Variants in PODXL observed in about 807,000 individuals in gnomAD.
The protein encoded by PODXL is podocalyxin.
A neutral mutation model predicts 48.9 loss-of-function variants in PODXL; 20 were observed. The ratio of observed to expected loss-of-function variants is 0.41; its 90% CI spans 0.29 to 0.59. The LOEUF is 0.59. Ranked by LOEUF, PODXL falls within the 20% of genes least tolerant of loss-of-function variation. The pLI is 0.31. For synonymous variants in PODXL, 295 were observed against 287.4 expected, an observed-to-expected ratio of 1.03 and a Z score of -0.27; for missense variants, 606 against 675.1, an observed-to-expected ratio of 0.90 and a Z score of 1.13.
At chr7:131,509,275 G>T in intron 4 of PODXL, 90 bp downstream of exon 4, 2 of 1,072,364 alleles carry the variant, frequency 1.9e-6, no homozygotes, top group Non-Finnish European at 2.9e-6. Context: ...CAGGGGCCCT[G>T]CGTTGGAGGA....
chr7:131,516,736 CTTT>C (rs58722955), intron 1 of PODXL, among the ~76,000 whole-genome samples: 8 of 125,614 alleles, frequency 6.4e-5, no homozygotes, highest in South Asian at 2.4e-4. Context: ...TTTTTTTTCT[CTTT>C]TTTTTTTTTT....
intron 5 of PODXL, 36 bp from the exon 6 acceptor site, chr7:131,506,762 G>C: frequency 6.2e-7 from 1 of 1,608,116 alleles, no homozygotes; most frequent in Non-Finnish European, 8.5e-7. Flanking sequence ...TCCGCGGGGA[G>C]CGTGACAGCA....
chr7:131,553,735 A>G (rs141442679), intron 1 of PODXL, among the ~76,000 whole-genome samples: 9 of 152,342 alleles, frequency 5.9e-5, no homozygotes, highest in African/African-American at 2.2e-4. Context: ...CATCAGATTG[A>G]GAGTACTGAA....
chr7:131,513,641 G>A (rs563294691), intron 1 of PODXL, among the ~76,000 whole-genome samples: 2 of 152,368 alleles, frequency 1.3e-5, no homozygotes, highest in South Asian at 2.1e-4. Context: ...GCCGTGACGG[G>A]CTCTGCAGGC....
At position 131,504,403 on chromosome 7, in the gene PODXL, T is replaced by C; in HGVS notation, c.1585A>G (p.Ser529Gly). ...SSEMQEKKVVSLNGELGDSWI... is the reference protein window; with the variant it reads ...SSEMQEKKVVGLNGELGDSWI... The stretch of plus-strand genomic sequence containing the variant: ...CTGTCCCCCAGCTCCCCGTTGAGGC[T>C]GACCACCTTCTTCTCCTGCATCTCA... The change falls in exon 9 of 9, where the codon AGC becomes GGC. Residue 529 changes from serine (S) to glycine (G), a missense_variant. Coordinates refer to ENST00000378555, the MANE Select transcript of PODXL (RefSeq NM_001018111.3). The C allele has an allele frequency of 6.2e-7, 1 of 1,614,218 alleles. No individual in the cohort carries two copies. The highest frequency in any genetic ancestry group is 8.5e-7 in the Non-Finnish European group (1 of 1,180,028).
In PODXL at chr7:131,511,447, T is replaced by C. The variant is rs73157523; in HGVS notation, c.101-14A>G. 251,028 of 1,597,960 alleles carry C rather than the reference T, an allele frequency of 0.16. 21,145 individuals are homozygous for C. The highest frequency in any genetic ancestry group is 0.25 in the Middle Eastern group (1,500 of 6,012). ...TAGTCTGGGTTGCTGTTTGTAAAGATAACAGAGAATGGAGTTAGGGCTGGG... is the reference window on the plus strand; with the variant it reads ...TAGTCTGGGTTGCTGTTTGTAAAGACAACAGAGAATGGAGTTAGGGCTGGG... On this transcript the variant is annotated splice_polypyrimidine_tract_variant and intron_variant, in intron 1 of 8. Coordinates refer to ENST00000378555, the MANE Select transcript of PODXL (RefSeq NM_001018111.3).
intron 1 of PODXL, among the ~76,000 whole-genome samples, chr7:131,514,899 G>A (rs1347651173): frequency 1.3e-5 from 2 of 152,086 alleles, no homozygotes; most frequent in East Asian, 3.9e-4. Flanking sequence ...GTGAGCCATG[G>A]CACCCAGCCC....
chr7:131,544,637 CCGCACGCACGCCCTGT>C (rs1798537240), intron 1 of PODXL, among the ~76,000 whole-genome samples: 1 of 146,160 alleles, frequency 6.8e-6, no homozygotes, highest in South Asian at 2.1e-4. Context: ...AGCAGGGCCT[CCGCACGCACGCCCTGT>C]ACTACGCACG....
chr7:131,538,127 G>A (rs1798410866), intron 1 of PODXL, among the ~76,000 whole-genome samples: 1 of 152,094 alleles, frequency 6.6e-6, no homozygotes. Context: ...AGTACAGGAG[G>A]GAGATGAACC....
intron 1 of PODXL, among the ~76,000 whole-genome samples, chr7:131,539,747 A>C (rs1213998323): frequency 1.2e-4 from 19 of 152,218 alleles, no homozygotes; most frequent in Admixed American, 8.5e-4. Context: ...TGTGAGCAGG[A>C]GACAGGAACG....
At chr7:131,549,897 G>A (rs1798642800) in intron 1 of PODXL, among the ~76,000 whole-genome samples, 1 of 152,210 alleles carries the variant, frequency 6.6e-6, no homozygotes. Flanking sequence ...TCGGGGAAGG[G>A]GGTGGGGATG....
rs761455188 is a variant in PODXL at position 131,506,330 on chromosome 7, G to A, written c.1250-9C>T. 10 of 1,614,018 alleles carry A rather than the reference G, an allele frequency of 6.2e-6. No homozygotes were observed. Among genetic ancestry groups the A allele is most frequent in the Non-Finnish European group, 8.5e-6 (10 of 1,179,986 alleles). ...CTTGGCAGGGAGCTTAGCTGTGGGA[G>A]AGGGAGACGATGCCCAATGGCCCAG... On this transcript the variant is annotated splice_polypyrimidine_tract_variant and intron_variant, in intron 6 of 8. Transcript: ENST00000378555.
intron 1 of PODXL, among the ~76,000 whole-genome samples, chr7:131,546,499 G>T (rs1423168748): frequency 6.6e-6 from 1 of 151,988 alleles, no homozygotes; most frequent in East Asian, 1.9e-4. Flanking sequence ...GCTGAGGCGG[G>T]CGGATCACTT....
At chr7:131,553,025 A>T (rs747008543) in intron 1 of PODXL, among the ~76,000 whole-genome samples, 1 of 152,032 alleles carries the variant, frequency 6.6e-6, no homozygotes, top group Admixed American at 6.6e-5. Flanking sequence ...GGCTCAAGTG[A>T]TCCTCCCACC....
chr7:131,541,762 A>G (rs1798487537), intron 1 of PODXL, among the ~76,000 whole-genome samples: 1 of 152,050 alleles, frequency 6.6e-6, no homozygotes, highest in African/African-American at 2.4e-5. Flanking sequence ...CAGGGCCTGC[A>G]GGGAAAGTTA....
At chr7:131,544,677 A>G (rs1022286087) in intron 1 of PODXL, among the ~76,000 whole-genome samples, 1 of 128,140 alleles carries the variant, frequency 7.8e-6, no homozygotes, top group African/African-American at 2.6e-5. Context: ...GCCCTGTACT[A>G]CGCTTGGCAG....
intron 1 of PODXL, among the ~76,000 whole-genome samples, chr7:131,525,856 G>A (rs564708218): frequency 6.6e-6 from 1 of 152,314 alleles, no homozygotes; most frequent in South Asian, 2.1e-4. Context: ...GGAGAAAGAA[G>A]TTACAAATAA....
chr7:131,507,709 C>A (rs1480936832), intron 5 of PODXL, among the ~76,000 whole-genome samples: 12 of 151,602 alleles, frequency 7.9e-5, no homozygotes, highest in Non-Finnish European at 1.6e-4. Flanking sequence ...ACACAGCCTA[C>A]CAAGCTACAT....
chr7:131,506,658 C>T lies in PODXL; in HGVS notation c.1170G>A (p.Pro390=), dbSNP rs377538821. 15 of 1,614,070 alleles carry T rather than the reference C, an allele frequency of 9.3e-6. No homozygotes were observed. In the South Asian group the frequency reaches 9.9e-5, roughly 11 times the overall value. Residue 390 remains proline, a synonymous_variant, in exon 6 of 9, where the codon CCG becomes CCA. Coordinates refer to ENST00000378555, the MANE Select transcript of PODXL (RefSeq NM_001018111.3). ...GCCGTATGCCGCACTTATCTTGGGCCGGGTTGAAGGTGGCTTTGACTGCTC... is the reference window on the plus strand; with the variant it reads ...GCCGTATGCCGCACTTATCTTGGGCTGGGTTGAAGGTGGCTTTGACTGCTC... ...ICRAVKATFN[P]AQDKCGIRLA... is the part of the protein sequence containing the mutation.
Sources: gnomAD v4.1 joint callset for allele counts (sites outside exome capture counted in the v4.1 genomes callset) on GRCh38, gnomAD v4.1.1 for gene constraint, MANE v1.5 for transcripts, NCBI Gene and HGNC (gene_info 2026-07-23, HGNC 2026-07-21) for gene names.